MLXIPL: variants seen among roughly 807,000 people sequenced by gnomAD.
MLXIPL encodes the protein carbohydrate-responsive element-binding protein.
MLXIPL carries 49 observed loss-of-function variants against 81.5 expected under a neutral mutation model. The ratio of observed to expected loss-of-function variants is 0.60; its 90% CI spans 0.48 to 0.76. The LOEUF (loss-of-function observed/expected upper bound fraction) is 0.76, where lower values mean the gene tolerates loss of function less well. Among genes scored for constraint, MLXIPL ranks in the 30% least tolerant of loss-of-function variants. The pLI is 0.00. For synonymous variants in MLXIPL, 466 were observed against 485.5 expected, an observed-to-expected ratio of 0.96 and a Z score of 0.53; for missense variants, 1,053 against 1,167.0, an observed-to-expected ratio of 0.90 and a Z score of 1.42.
chr7:73,628,817 A>G (rs895658525), upstream of MLXIPL, among the ~76,000 whole-genome samples: 1 of 152,180 alleles, frequency 6.6e-6, no homozygotes, highest in Non-Finnish European at 1.5e-5. Flanking sequence ...TTCATGGTCC[A>G]TGGAGATGCA....
chr7:73,624,207 C>T lies in MLXIPL; in HGVS notation c.286G>A (p.Ala96Thr). ...GCCCGGAACCGCCCTCACCTGTAGGCCAGGCTCAAGCACTCGAAGAGGCGT... is the reference window on the plus strand; with the variant it reads ...GCCCGGAACCGCCCTCACCTGTAGGTCAGGCTCAAGCACTCGAAGAGGCGT... ...LTRLFECLSL[A>T]YSGKLVSPKW... Residue 96 changes from alanine (A) to threonine (T), a missense_variant, in exon 1 of 17, where the codon GCC (alanine) becomes ACC (threonine). By Grantham distance (58) the Ala-to-Thr change is moderately conservative (BLOSUM62 0). Coordinates refer to ENST00000313375, the MANE Select transcript of MLXIPL (RefSeq NM_032951.3). The T allele has an allele frequency of 6.4e-7, 1 of 1,563,758 alleles. No homozygotes were observed. Among genetic ancestry groups the T allele is most frequent in the Non-Finnish European group, 8.7e-7 (1 of 1,155,032 alleles).
At chr7:73,603,154 C>A (rs1410490757) in intron 7 of MLXIPL, among the ~76,000 whole-genome samples, 1 of 152,174 alleles carries the variant, frequency 6.6e-6, no homozygotes, top group Non-Finnish European at 1.5e-5. Context: ...TCCAGCCAGA[C>A]CTCCCCAGTG....
the MLXIPL span, among the ~76,000 whole-genome samples, chr7:73,633,080 C>CTTTTTTT: frequency 7.4e-6 from 1 of 135,278 alleles, no homozygotes; most frequent in Non-Finnish European, 1.6e-5. Context: ...CCCACCCTAC[C>CTTTTTTT]TTTTTTTTTT....
chr7:73,624,590 CA>C (rs1796610149), upstream of MLXIPL: 1 of 1,402,474 alleles, frequency 7.1e-7, no homozygotes, highest in Middle Eastern at 2.6e-4. Flanking sequence ...GCCCCCACAC[CA>C]TAGGCCGATC....
At chr7:73,639,209 AGGAGG>A in the MLXIPL span, among the ~76,000 whole-genome samples, 1 of 152,212 alleles carries the variant, frequency 6.6e-6, no homozygotes, top group African/African-American at 2.4e-5. Context: ...CAGAAATGCC[AGGAGG>A]GGCCAATAGG....
At chr7:73,630,146 C>T in the MLXIPL span, among the ~76,000 whole-genome samples, 1 of 151,442 alleles carries the variant, frequency 6.6e-6, no homozygotes, top group Admixed American at 6.6e-5. Flanking sequence ...TACAGGCGCC[C>T]GCCACCACTC....
intron 5 of MLXIPL, 62 bp from the exon 6 acceptor site, chr7:73,606,173 AC>A (rs1193567646): frequency 1.3e-6 from 2 of 1,510,818 alleles, no homozygotes; most frequent in Non-Finnish European, 9.0e-7. Flanking sequence ...CTTCCATATC[AC>A]CCCTCTCCAG....
chr7:73,613,237 T>C (rs143134271), intron 2 of MLXIPL, among the ~76,000 whole-genome samples: 1 of 152,292 alleles, frequency 6.6e-6, no homozygotes, highest in East Asian at 1.9e-4. Context: ...TGTATGTGTG[T>C]CACGTGCTGC....
chr7:73,632,743 T>TTTCCTTCCTTCCTTCCTTCCTTCCTTCC, the MLXIPL span, among the ~76,000 whole-genome samples: 5 of 133,946 alleles, frequency 3.7e-5, no homozygotes, highest in African/African-American at 1.1e-4. Flanking sequence ...TCCTTCCTTC[T>TTTCCTTCCTTCCTTCCTTCCTTCCTTCC]TTCCTTCCTT....
intron 1 of MLXIPL, among the ~76,000 whole-genome samples, chr7:73,622,430 A>C (rs915850787): frequency 6.6e-6 from 1 of 151,774 alleles, no homozygotes; most frequent in African/African-American, 2.4e-5. Flanking sequence ...CAGAGGTTGC[A>C]GTGAGCTGAG....
chr7:73,627,246 C>T (rs921776539), upstream of MLXIPL, among the ~76,000 whole-genome samples: 7 of 149,414 alleles, frequency 4.7e-5, no homozygotes, highest in South Asian at 2.1e-4. Context: ...CCCCAAGTGG[C>T]CCTCTTTTTT....
At chr7:73,625,680 G>A (rs1465618590), upstream of MLXIPL, among the ~76,000 whole-genome samples, 3 of 152,088 alleles carry the variant, frequency 2.0e-5, no homozygotes, top group African/African-American at 7.2e-5. Context: ...AGAATCACAT[G>A]AGCCCAAGAG....
chr7:73,594,531 C>A, intron 15 of MLXIPL, 128 bp from the exon 16 acceptor site: 2 of 1,138,738 alleles, frequency 1.8e-6, no homozygotes, highest in Admixed American at 2.1e-5. Context: ...CCCAATGACT[C>A]ATGTTGCAGC....
intron 2 of MLXIPL, among the ~76,000 whole-genome samples, chr7:73,608,682 T>A: frequency 6.6e-6 from 1 of 152,108 alleles, no homozygotes; most frequent in East Asian, 1.9e-4. Flanking sequence ...CACTACCCAC[T>A]TTCATTGCAG....
At chr7:73,602,098 T>TCCTGCCTGCCTG (rs1207215774) in intron 7 of MLXIPL, among the ~76,000 whole-genome samples, 4 of 104,088 alleles carry the variant, frequency 3.8e-5, no homozygotes, top group Admixed American at 9.9e-5. Flanking sequence ...CTGCCTGCCT[T>TCCTGCCTGCCTG]CCTGCCTGCC....
intron 4 of MLXIPL, 61 bp from the exon 5 acceptor site, chr7:73,607,079 C>G (rs1257882251): frequency 1.5e-5 from 24 of 1,583,704 alleles, no homozygotes; most frequent in Middle Eastern, 1.7e-4. Flanking sequence ...CACTTTCCCC[C>G]CAAAGTCTCC....
chr7:73,641,070 G>A, the MLXIPL span, among the ~76,000 whole-genome samples: 1 of 152,008 alleles, frequency 6.6e-6, no homozygotes, highest in Non-Finnish European at 1.5e-5. Context: ...GGGAGGCCGA[G>A]GCAGGAGGAT....
intron 7 of MLXIPL, 99 bp downstream of exon 7, chr7:73,605,589 C>A: frequency 1.9e-6 from 2 of 1,061,680 alleles, no homozygotes; most frequent in South Asian, 2.6e-5. Context: ...AGAAACGACC[C>A]AGACTATCAG....
chr7:73,602,221 CT>C (rs1554596577), intron 7 of MLXIPL, among the ~76,000 whole-genome samples: 63 of 132,604 alleles, frequency 4.8e-4, no homozygotes, highest in South Asian at 7.2e-4. Context: ...CTCTTTCTTT[CT>C]TTTTTTTTTT....
Sources: gnomAD v4.1 joint callset for allele counts (sites outside exome capture counted in the v4.1 genomes callset) on GRCh38, gnomAD v4.1.1 for gene constraint, MANE v1.5 for transcripts, NCBI Gene and HGNC (gene_info 2026-07-23, HGNC 2026-07-21) for gene names.